The following TATDN2 variants were observed in gnomAD, a reference collection of about 807,000 sequenced individuals.
The protein encoded by TATDN2 is 3'-5' RNA nuclease TATDN2.
TATDN2 carries 44 observed loss-of-function variants against 60.3 expected under a neutral mutation model. The ratio of observed to expected loss-of-function variants is 0.73; its 90% CI spans 0.57 to 0.94. TATDN2 has a LOEUF of 0.94. Ranked by LOEUF, TATDN2 falls within the 40% of genes least tolerant of loss-of-function variation. The pLI is 0.00. For missense variants in TATDN2, 997 were observed against 948.0 expected (o/e 1.05, Z -0.68); for synonymous variants, 399 against 355.8 (o/e 1.12, Z -1.37).
intron 4 of TATDN2, among the ~76,000 whole-genome samples, chr3:10,273,483 G>A (rs1326094289): frequency 6.6e-6 from 1 of 152,114 alleles, no homozygotes; most frequent in Non-Finnish European, 1.5e-5. Flanking sequence ...AGGGCTGGGC[G>A]AGGTGGCTCA....
rs1197218894 is a variant in TATDN2 at position 10,270,571 on chromosome 3, A to G, written c.1389A>G (p.Arg463=). 1.9e-6 allele frequency: 3 copies of G among 1,614,228 alleles called. No homozygotes were observed. The highest frequency in any genetic ancestry group is 2.5e-6 in the Non-Finnish European group (3 of 1,180,046). ...SSEEREVKEK[R]TFQEEMPPRP... Reference sequence around the variant, plus strand: ...AAGAAAGAGAGGTGAAGGAGAAAAGAACATTCCAAGAGGAGATGCCTCCGC... The same window carrying G: ...AAGAAAGAGAGGTGAAGGAGAAAAGGACATTCCAAGAGGAGATGCCTCCGC... The change falls in exon 4 of 8, where the codon AGA becomes AGG. Residue 463 remains arginine, a synonymous_variant. Transcript: ENST00000448281.
At chr3:10,271,814 C>T (rs1237434394) in intron 4 of TATDN2, among the ~76,000 whole-genome samples, 4 of 143,734 alleles carry the variant, frequency 2.8e-5, no homozygotes, top group Middle Eastern at 3.8e-3. Flanking sequence ...CCTCCGCCTC[C>T]GCCTCCTGGG....
At chr3:10,273,572 A>G (rs560807764) in intron 4 of TATDN2, among the ~76,000 whole-genome samples, 1 of 150,018 alleles carries the variant, frequency 6.7e-6, no homozygotes, top group African/African-American at 2.5e-5. Context: ...CCAAGGCAAC[A>G]TAGTGAGACC....
intron 2 of TATDN2, among the ~76,000 whole-genome samples, chr3:10,254,338 A>G (rs904802960): frequency 5.3e-5 from 8 of 152,202 alleles, no homozygotes; most frequent in Non-Finnish European, 1.2e-4. Context: ...CTGATGGACA[A>G]GGAGGGGGAC....
chr3:10,266,866 G>T (rs186287393), intron 3 of TATDN2, among the ~76,000 whole-genome samples: 1 of 151,702 alleles, frequency 6.6e-6, no homozygotes, highest in Admixed American at 6.6e-5. Flanking sequence ...TCAGTGCCCA[G>T]TAGTAGGTGC....
At chr3:10,277,776 C>CAGG (rs1315919487) in intron 5 of TATDN2, among the ~76,000 whole-genome samples, 1 of 152,124 alleles carries the variant, frequency 6.6e-6, no homozygotes, top group Non-Finnish European at 1.5e-5. Context: ...GGTGGTATTG[C>CAGG]AGGAGGAGGC....
chr3:10,269,978 G>C (rs1056903201), intron 3 of TATDN2, among the ~76,000 whole-genome samples, 153 bp from the exon 4 acceptor site: 10 of 152,162 alleles, frequency 6.6e-5, no homozygotes, highest in Non-Finnish European at 1.3e-4. Flanking sequence ...AAATTGTAAG[G>C]AAACCAGGTG....
intron 4 of TATDN2, among the ~76,000 whole-genome samples, chr3:10,274,462 C>T (rs180876452): frequency 2.0e-5 from 3 of 152,310 alleles, no homozygotes; most frequent in Non-Finnish European, 4.4e-5. Flanking sequence ...ATCAGCTATA[C>T]TTTGAAAAAT....
At position 10,278,912 on chromosome 3, in the gene TATDN2, C is replaced by T. The variant is rs1449811954; in HGVS notation, c.2173C>T (p.His725Tyr). Reference sequence around the variant, plus strand: ...TCCCAAAAGCCTTTGCCAGTATGCCCACCCGGGCCTGGCCTTGCATACGGT... The same window carrying T: ...TCCCAAAAGCCTTTGCCAGTATGCCTACCCGGGCCTGGCCTTGCATACGGT... ...QVPKSLCQYA[H>Y]PGLALHTVRE... The change falls in exon 7 of 8, where the codon CAC becomes TAC. Residue 725 changes from histidine (H) to tyrosine (Y), a missense_variant. His to Tyr is a moderately conservative substitution (Grantham distance 83, BLOSUM62 2). Transcript: ENST00000448281. This position sits in a 1 kb window ranked among gnomAD's most constrained non-coding sequence, Gnocchi z 4.7. The T allele has an allele frequency of 3.7e-6, 6 of 1,613,332 alleles. No homozygotes were observed. The highest frequency in any genetic ancestry group is 5.1e-6 in the Non-Finnish European group (6 of 1,179,846).
rs777572358 is a variant in TATDN2 at position 10,281,164 on chromosome 3, T to G, written c.*1982T>G. 2 of 152,138 alleles carry G rather than the reference T, an allele frequency of 1.3e-5. No individual in the cohort carries two copies. Among genetic ancestry groups the G allele is most frequent in the Non-Finnish European group, 2.9e-5 (2 of 68,034 alleles). 9.4% of individuals were successfully genotyped at this position (152,138 alleles called of 1,614,324 possible). A position where few individuals can be genotyped will look rare whatever the true frequency, so the allele number is the denominator to read the frequency against. ...GTGCTGTGGGAATGCCTCTGTATTT[T>G]TTCCCCTCTTTGGCCATCTTTTTCT... On this transcript the variant is annotated 3_prime_UTR_variant, in exon 8 of 8. Coordinates refer to ENST00000448281, the MANE Select transcript of TATDN2 (RefSeq NM_014760.4).
At chr3:10,262,660 C>T (rs868369616) in intron 3 of TATDN2, among the ~76,000 whole-genome samples, 16 of 150,540 alleles carry the variant, frequency 1.1e-4, no homozygotes, top group Admixed American at 7.3e-4. Context: ...CTCAGCCTCC[C>T]GAGTAGCTGG....
intron 7 of TATDN2, 64 bp downstream of exon 7, chr3:10,279,127 A>G: frequency 1.4e-6 from 2 of 1,432,416 alleles, no homozygotes; most frequent in South Asian, 1.3e-5. Context: ...CATTTTGTTA[A>G]TGTAAAGAAT....
Position 10,275,479 on chromosome 3 carries a change from G to A in TATDN2, c.1834-882G>A, listed in dbSNP as rs548887427. Among the ~76,000 whole-genome samples the A allele has an allele frequency of 4.6e-5, 7 of 152,278 alleles. No individual in the cohort carries two copies. The South Asian group carries it at 6.2e-4, about 14-fold the overall frequency. ...AGGAAGCAAATTGGCCGGGCATGGC[G>A]GCTCATGCCTGTAATCCCAGCACTT... On this transcript the variant is annotated intron_variant, in intron 4 of 7. Coordinates refer to ENST00000448281, the MANE Select transcript of TATDN2 (RefSeq NM_014760.4).
At chr3:10,265,380 A>AT (rs1698462759) in intron 3 of TATDN2, among the ~76,000 whole-genome samples, 3 of 244 alleles carry the variant, frequency 0.012, no homozygotes, top group Admixed American at 0.11. Flanking sequence ...CCCGGCCAGA[A>AT]CTTTAAAAAT....
rs1698179823 is a variant in TATDN2, at chr3:10,249,180, C to T, written c.-6-15C>T. 1 of 1,508,450 alleles carries T rather than the reference C, an allele frequency of 6.6e-7. No homozygotes were observed. The highest frequency in any genetic ancestry group is 8.9e-7 in the Non-Finnish European group (1 of 1,128,460). 93.4% of individuals were successfully genotyped at this position (1,508,450 alleles called of 1,614,324 possible). A position where few individuals can be genotyped will look rare whatever the true frequency, so the allele number is the denominator to read the frequency against. ...GAAGGGTGGTGTTGGAATCCAGGCC[C>T]CCTGTACCTTGCAGGTGCCCATGGC... On this transcript the variant is annotated splice_polypyrimidine_tract_variant and intron_variant, in intron 1 of 7. Transcript: ENST00000448281.
intron 2 of TATDN2, among the ~76,000 whole-genome samples, chr3:10,251,183 G>A (rs1023761576): frequency 6.6e-6 from 1 of 152,118 alleles, no homozygotes; most frequent in Non-Finnish European, 1.5e-5. Flanking sequence ...TGGGAGTGAT[G>A]AGCTTCTAGG....
chr3:10,250,865 G>GT (rs1246774666), intron 2 of TATDN2, among the ~76,000 whole-genome samples: 2 of 152,156 alleles, frequency 1.3e-5, no homozygotes, highest in African/African-American at 4.8e-5. Flanking sequence ...GTAGACTTGG[G>GT]TACAGCATAA....
chr3:10,279,054 C>T lies in TATDN2; in HGVS notation c.*29C>T, dbSNP rs1225163202. Reference sequence around the variant, plus strand: ...GAGAAGGTACAGTCCTCGGGAGTCTCCTAGAAAAGGTCGTAAAACTCACAT... The same window carrying T: ...GAGAAGGTACAGTCCTCGGGAGTCTTCTAGAAAAGGTCGTAAAACTCACAT... On this transcript the variant is annotated 3_prime_UTR_variant, in exon 7 of 8. Transcript: ENST00000448281. The T allele has an allele frequency of 1.9e-6, 3 of 1,599,788 alleles. No individual in the cohort carries two copies. Among genetic ancestry groups the T allele is most frequent in the Middle Eastern group, 1.7e-4 (1 of 5,990 alleles).
At position 10,271,474 on chromosome 3, in the gene TATDN2, C is replaced by T. The variant is rs117477503; in HGVS notation, c.1833+459C>T. Among the ~76,000 whole-genome samples the T allele has an allele frequency of 3.9e-3, 595 of 151,690 alleles. 21 individuals carry two copies. The East Asian group carries it at 0.086, about 22-fold the overall frequency. On this transcript the variant is annotated intron_variant, in intron 4 of 7. Coordinates refer to ENST00000448281, the MANE Select transcript of TATDN2 (RefSeq NM_014760.4). ...GATTACAGGCGTGCATCACTACACC[C>T]GGCTAATTTTTGTATTTTTAATAGA...
Sources: allele counts gnomAD v4.1 joint callset (sites outside exome capture counted in the v4.1 genomes callset), GRCh38; gene constraint gnomAD v4.1.1; non-coding constraint Gnocchi (gnomAD v3.1); transcripts MANE v1.5; gene names NCBI Gene and HGNC (gene_info 2026-07-23, HGNC 2026-07-21).